Variants in EPHA5 observed in about 807,000 individuals in gnomAD.
EPHA5 encodes the protein EPH receptor A5.
Under a neutral mutation model 105.0 loss-of-function variants are expected in EPHA5, and 60 were observed. The observed-to-expected ratio is 0.57, with a 90% CI of 0.46 to 0.71. The LOEUF (loss-of-function observed/expected upper bound fraction) is 0.71, where lower values mean the gene tolerates loss of function less well. Ranked by LOEUF, EPHA5 falls within the 30% of genes least tolerant of loss-of-function variation. EPHA5 has a pLI of 0.00. For synonymous variants in EPHA5, 513 were observed against 449.1 expected, an observed-to-expected ratio of 1.14 and a Z score of -1.80; for missense variants, 1,218 against 1,274.7, an observed-to-expected ratio of 0.96 and a Z score of 0.68.
At chr4:65,366,241 C>A (rs1050939379) in intron 9 of EPHA5, among the ~76,000 whole-genome samples, 184 bp from the exon 10 acceptor site, 2 of 151,702 alleles carry the variant, frequency 1.3e-5, no homozygotes, top group Admixed American at 1.3e-4. Flanking sequence ...TTTCAGAAAT[C>A]TGTTTGCAGG....
chr4:65,378,716 C>T (rs1296972166), intron 8 of EPHA5, among the ~76,000 whole-genome samples: 1 of 151,848 alleles, frequency 6.6e-6, no homozygotes, highest in Non-Finnish European at 1.5e-5. Context: ...AAACCGTTTG[C>T]CCTCCTTTGT....
intron 7 of EPHA5, among the ~76,000 whole-genome samples, chr4:65,412,904 G>A (rs1176728731): frequency 6.6e-6 from 1 of 151,952 alleles, no homozygotes; most frequent in Non-Finnish European, 1.5e-5. Flanking sequence ...TTTTTTAAAT[G>A]GGATTTTTCA....
chr4:65,457,822 T>C (rs542261187), intron 5 of EPHA5, among the ~76,000 whole-genome samples: 43 of 152,058 alleles, frequency 2.8e-4, no homozygotes, highest in Non-Finnish European at 4.7e-4. Context: ...CAATATAACA[T>C]ATAAATGTAT....
At chr4:65,408,978 G>A (rs997356431) in intron 7 of EPHA5, among the ~76,000 whole-genome samples, 5 of 149,516 alleles carry the variant, frequency 3.3e-5, no homozygotes, top group African/African-American at 9.8e-5. Flanking sequence ...AGAAAATGTG[G>A]CACATATACA....
At chr4:65,601,581 T>C (rs1743725548) in intron 3 of EPHA5, 60 bp downstream of exon 3, 4 of 1,457,856 alleles carry the variant, frequency 2.7e-6, no homozygotes, top group Non-Finnish European at 3.7e-6. Flanking sequence ...TTGGAGGAAA[T>C]ACATATACAT....
intron 3 of EPHA5, among the ~76,000 whole-genome samples, chr4:65,508,742 AG>A (rs954313338): frequency 1.3e-5 from 2 of 152,084 alleles, no homozygotes; most frequent in African/African-American, 4.8e-5. Context: ...TTGACAATGC[AG>A]TTTTTTTTAA....
chr4:65,612,315 C>T (rs1744854023), intron 2 of EPHA5, among the ~76,000 whole-genome samples: 1 of 152,094 alleles, frequency 6.6e-6, no homozygotes, highest in African/African-American at 2.4e-5. Context: ...TCTCATCCCT[C>T]ATCCCCCTCC....
chr4:65,629,033 A>T (rs1341452103), intron 2 of EPHA5, among the ~76,000 whole-genome samples: 2 of 152,206 alleles, frequency 1.3e-5, no homozygotes, highest in African/African-American at 4.8e-5. Flanking sequence ...AATAAGATGA[A>T]TTGGAATATA....
At chr4:65,378,717 C>T (rs747141664) in intron 8 of EPHA5, among the ~76,000 whole-genome samples, 1 of 151,838 alleles carries the variant, frequency 6.6e-6, no homozygotes, top group East Asian at 1.9e-4. Context: ...AACCGTTTGC[C>T]CTCCTTTGTT....
intron 3 of EPHA5, among the ~76,000 whole-genome samples, chr4:65,588,783 G>C (rs1742360668): frequency 6.6e-6 from 1 of 152,110 alleles, no homozygotes; most frequent in Non-Finnish European, 1.5e-5. Context: ...AGTCCTTAAA[G>C]GGCTTGCCAT....
At chr4:65,514,227 T>G (rs142151235) in intron 3 of EPHA5, among the ~76,000 whole-genome samples, 344 of 152,260 alleles carry the variant, frequency 2.3e-3, no homozygotes, top group African/African-American at 6.2e-3. Flanking sequence ...GCCACAGATA[T>G]TCCATTCCAC....
In EPHA5 at chr4:65,613,614, A is replaced by C. The variant is rs549448350; in HGVS notation, c.247-11310T>G. 9.2e-5 allele frequency among the ~76,000 whole-genome samples: 14 copies of C among 152,054 alleles called. 1 individual carries two copies. The South Asian group carries it at 1.2e-3, about 14-fold the overall frequency. On this transcript the variant is annotated intron_variant, in intron 2 of 16. Transcript: ENST00000613740. Reference sequence around the variant, plus strand: ...AGCCACTTAGTTAAATATATTAAGAATTCCAGTGCTTCTCTATTTGAGATA... The same window carrying C: ...AGCCACTTAGTTAAATATATTAAGACTTCCAGTGCTTCTCTATTTGAGATA...
chr4:65,452,785 T>C (rs1727192621), intron 5 of EPHA5, among the ~76,000 whole-genome samples: 1 of 152,174 alleles, frequency 6.6e-6, no homozygotes, highest in South Asian at 2.1e-4. Flanking sequence ...AAAAGATTCA[T>C]AGCTAAAAAC....
At chr4:65,657,816 A>G (rs1749201657) in intron 1 of EPHA5, among the ~76,000 whole-genome samples, 1 of 149,684 alleles carries the variant, frequency 6.7e-6, no homozygotes, top group African/African-American at 2.5e-5. Context: ...GATATTCCAT[A>G]TGGAATAGCG....
chr4:65,536,510 G>A (rs968356301), intron 3 of EPHA5, among the ~76,000 whole-genome samples: 2 of 151,822 alleles, frequency 1.3e-5, no homozygotes, highest in African/African-American at 4.8e-5. Flanking sequence ...TCTTTCAAAT[G>A]TTAATCCAAC....
intron 2 of EPHA5, among the ~76,000 whole-genome samples, chr4:65,620,718 G>T (rs1745637990): frequency 6.6e-6 from 1 of 152,128 alleles, no homozygotes; most frequent in African/African-American, 2.4e-5. Context: ...CATGGTCTTG[G>T]TTGAAGTTTT....
intron 1 of EPHA5, among the ~76,000 whole-genome samples, chr4:65,663,545 T>C (rs1749718768): frequency 6.6e-6 from 1 of 152,094 alleles, no homozygotes. Context: ...ATGTATCTTA[T>C]AGCACTTTTT....
At chr4:65,640,078 T>C (rs1419106750) in intron 2 of EPHA5, among the ~76,000 whole-genome samples, 1 of 152,160 alleles carries the variant, frequency 6.6e-6, no homozygotes, top group African/African-American at 2.4e-5. Context: ...TTGTTCTTTT[T>C]GCCTTTGCAT....
chr4:65,571,687 T>G (rs1032153382), intron 3 of EPHA5, among the ~76,000 whole-genome samples: 1 of 152,106 alleles, frequency 6.6e-6, no homozygotes. Context: ...GTCTTACGTA[T>G]GTTTTACTTT....
Sources: allele counts gnomAD v4.1 joint callset (sites outside exome capture counted in the v4.1 genomes callset), GRCh38; gene constraint gnomAD v4.1.1; transcripts MANE v1.5; gene names NCBI Gene and HGNC (gene_info 2026-07-23, HGNC 2026-07-21).